The following GNLY variants were observed in gnomAD, a reference collection of about 807,000 sequenced individuals.
GNLY encodes the protein granulysin.
Under a neutral mutation model 18.5 loss-of-function variants are expected in GNLY, and 15 were observed. The ratio of observed to expected loss-of-function variants is 0.81; its 90% confidence interval spans 0.54 to 1.25. GNLY has a LOEUF of 1.25. Ranked by LOEUF, GNLY falls within the 50% of genes most tolerant of loss-of-function variation. The pLI, the probability that GNLY is intolerant of heterozygous loss-of-function variation, is 0.00. For synonymous variants in GNLY, 77 were observed against 74.9 expected (o/e 1.03, Z -0.14); for missense variants, 178 against 186.9 (o/e 0.95, Z 0.28).
rs1305625927 is a variant in GNLY at position 85,697,379 on chromosome 2, CAT to C, written c.256-126_256-125del. The C allele has an allele frequency of 1.2e-5, 10 of 813,980 alleles. No individual in the cohort carries two copies. The East Asian group carries it at 2.0e-4, about 16-fold the overall frequency. The allele number at this position is 813,980 out of a possible 1,614,324, so 50.4% of individuals were successfully genotyped here. A position where few individuals can be genotyped will look rare whatever the true frequency, so the allele number is the denominator to read the frequency against. On this transcript the variant is annotated intron_variant, in intron 3 of 4. Transcript: ENST00000263863. The stretch of plus-strand genomic sequence containing the variant: ...GCCCCGTCTGTACAGTCTCTGGCCC[CAT>C]GGGCACCAGGTGCCAGCTCCTCGCA...
rs765769109 is a variant in GNLY at position 85,697,690 on chromosome 2, G to T, written c.427+13G>T. ...ATACCTTCTACAGGTGAGTGCAGAGGTGACAGCAGGGATACCTCCTGAGGG... is the reference window on the plus strand; with the variant it reads ...ATACCTTCTACAGGTGAGTGCAGAGTTGACAGCAGGGATACCTCCTGAGGG... On this transcript the variant is annotated intron_variant, in intron 4 of 4. Transcript: ENST00000263863. 6.3e-7 allele frequency: 1 copy of T among 1,590,354 alleles called. No homozygotes were observed. The highest frequency in any genetic ancestry group is 8.6e-7 in the Non-Finnish European group (1 of 1,158,450).
In GNLY at chr2:85,697,361, C is replaced by G. The variant is rs1369348505; in HGVS notation, c.256-145C>G. 2.1e-5 allele frequency: 15 copies of G among 709,980 alleles called. No individual in the cohort carries two copies. The East Asian group carries it at 3.4e-4, about 16-fold the overall frequency. The allele number at this position is 709,980 out of a possible 1,614,324, so 44.0% of individuals were successfully genotyped here. A position where few individuals can be genotyped will look rare whatever the true frequency, so the allele number is the denominator to read the frequency against. ...ACTGGGAGTAGGGGCTGAGCCCCGT[C>G]TGTACAGTCTCTGGCCCCATGGGCA... On this transcript the variant is annotated intron_variant, in intron 3 of 4. Transcript: ENST00000263863.
At chr2:85,696,388 C>A in intron 3 of GNLY, 1 of 278,378 alleles carries the variant, frequency 3.6e-6, no homozygotes, top group Non-Finnish European at 6.8e-6. Flanking sequence ...AGCTAGTTCC[C>A]CAAGAGGCCT....
chr2:85,694,505 C>T (rs1285406339), intron 1 of GNLY, 35 bp downstream of exon 1: 2 of 1,598,914 alleles, frequency 1.3e-6, no homozygotes. Flanking sequence ...TCCTGATGGC[C>T]CACCCAGCCT....
intron 1 of GNLY, 22 bp from the exon 2 acceptor site, chr2:85,695,298 G>C: frequency 6.5e-7 from 1 of 1,531,848 alleles, no homozygotes; most frequent in Non-Finnish European, 9.1e-7. Flanking sequence ...CGGAGGGGAA[G>C]CTGAAGTCTG....
In GNLY at chr2:85,697,482, T is replaced by A. The variant is rs750042153; in HGVS notation, c.256-24T>A. ...GGGCAGGACTCACCCTATAACCATG[T>A]CCACTGTGGTGCTGCTGCTGCAGAG... On this transcript the variant is annotated intron_variant, in intron 3 of 4. Transcript: ENST00000263863. 97 of 1,608,252 alleles carry A rather than the reference T, an allele frequency of 6.0e-5. 1 individual carries two copies. The South Asian group carries it at 1.0e-3, about 17-fold the overall frequency.
At chr2:85,697,419 A>G (rs1002511330) in intron 3 of GNLY, 87 bp from the exon 4 acceptor site, 18 of 1,203,248 alleles carry the variant, frequency 1.5e-5, no homozygotes, top group Middle Eastern at 2.8e-4. Flanking sequence ...CAGTACTCCC[A>G]TTGCTAGGGC....
At chr2:85,696,933 A>G (rs1678472737) in intron 3 of GNLY, 1 of 156,546 alleles carries the variant, frequency 6.4e-6, no homozygotes, top group Non-Finnish European at 1.4e-5. Context: ...TACTACCAAG[A>G]ATTATTGTTT....
At position 85,698,757 on chromosome 2, in the gene GNLY, C is replaced by T. The variant is rs762068252; in HGVS notation, c.*183C>T. Reference sequence around the variant, plus strand: ...AAAGTGTCAAGCAAGATTTTAGCCGCAGCTGCTTCTTCTTTGGTGGATTTG... The same window carrying T: ...AAAGTGTCAAGCAAGATTTTAGCCGTAGCTGCTTCTTCTTTGGTGGATTTG... On this transcript the variant is annotated 3_prime_UTR_variant, in exon 5 of 5. Transcript: ENST00000263863. 1.3e-6 allele frequency: 2 copies of T among 1,521,912 alleles called. No individual in the cohort carries two copies. The highest frequency in any genetic ancestry group is 1.8e-6 in the Non-Finnish European group (2 of 1,136,658). The allele number at this position is 1,521,912 out of a possible 1,614,324, so 94.3% of individuals were successfully genotyped here.
At chr2:85,698,138 C>G (rs530290390) in intron 4 of GNLY, among the ~76,000 whole-genome samples, 14 of 152,244 alleles carry the variant, frequency 9.2e-5, no homozygotes, top group Non-Finnish European at 1.5e-4. Context: ...GGGGCCATAT[C>G]CTCCCCCACA....
rs1341285267 is a variant in GNLY at position 85,698,628 on chromosome 2, G to A, written c.*54G>A. ...CACAGGCTCCTGTCCTCAGATCCCG[G>A]GAACCTCAGCAACCTCTGCCGGCTC... On this transcript the variant is annotated 3_prime_UTR_variant, in exon 5 of 5. Coordinates refer to ENST00000263863, the MANE Select transcript of GNLY (RefSeq NM_006433.5). 1 of 1,612,520 alleles carries A rather than the reference G, an allele frequency of 6.2e-7. No homozygotes were observed. Among genetic ancestry groups the A allele is most frequent in the Admixed American group, 1.7e-5 (1 of 60,022 alleles).
chr2:85,695,492 G>T, intron 2 of GNLY, 69 bp downstream of exon 2: 3 of 905,116 alleles, frequency 3.3e-6, no homozygotes, highest in South Asian at 2.7e-5. Context: ...GGCTCCTGGG[G>T]TGAGGTCTGG....
At chr2:85,698,400 C>G (rs762826908) in intron 4 of GNLY, 164 bp from the exon 5 acceptor site, 2 of 1,129,788 alleles carry the variant, frequency 1.8e-6, no homozygotes, top group South Asian at 2.5e-5. Context: ...TATTCAAGGC[C>G]CCACAACCTG....
In GNLY at chr2:85,696,042, G is replaced by T; in HGVS notation, c.241G>T (p.Asp81Tyr). The T allele has an allele frequency of 3.1e-6, 5 of 1,597,430 alleles. No individual in the cohort carries two copies. The highest frequency in any genetic ancestry group is 4.3e-6 in the Non-Finnish European group (5 of 1,165,540). Residue 81 changes from aspartate to tyrosine, a missense_variant, in exon 3 of 5, where the codon GAT becomes TAT. Transcript: ENST00000263863. ...TIVQKLKKMV[D>Y]KPTQRSVSNA... ...AGTCCAAAAACTGAAGAAGATGGTG[G>T]ATAAGCCCACCCAGGTGAGGCCAAG...
intron 1 of GNLY, 28 bp from the exon 2 acceptor site, chr2:85,695,292 G>A (rs758490394): frequency 1.3e-6 from 2 of 1,485,032 alleles, no homozygotes; most frequent in Non-Finnish European, 1.9e-6. Context: ...CGCCTGCGGA[G>A]GGGAAGCTGA....
Position 85,695,362 on chromosome 2 carries a change from C to T in GNLY, c.95C>T (p.Ala32Val). 1 of 1,613,888 alleles carries T rather than the reference C, an allele frequency of 6.2e-7. No homozygotes were observed. Among genetic ancestry groups the T allele is most frequent in the East Asian group, 2.2e-5 (1 of 44,880 alleles). ...SRLSPEYYDL[A>V]RAHLRDEEKS... is the part of the protein sequence containing the mutation. Reference sequence around the variant, plus strand: ...CTGAGCCCTGAGTACTACGACCTGGCAAGAGCCCACCTGCGTGATGAGGAG... The same window carrying T: ...CTGAGCCCTGAGTACTACGACCTGGTAAGAGCCCACCTGCGTGATGAGGAG... The change falls in exon 2 of 5, where the codon GCA (alanine) becomes GTA (valine). Residue 32 changes from alanine to valine, a missense_variant. Coordinates refer to ENST00000263863, the MANE Select transcript of GNLY (RefSeq NM_006433.5).
intron 1 of GNLY, 41 bp from the exon 2 acceptor site, chr2:85,695,279 T>C (rs1407251595): frequency 7.1e-7 from 1 of 1,411,892 alleles, no homozygotes; most frequent in East Asian, 2.3e-5. Context: ...TTCCCTCTCC[T>C]TCCGCCTGCG....
In GNLY at chr2:85,695,334, C is replaced by T. The variant is rs201165294; in HGVS notation, c.67C>T (p.Arg23Cys). ...LLGNPGLVFS[R>C]LSPEYYDLAR... ...GTCTTCCTCAGGTCTGGTCTTCTCT[C>T]GTCTGAGCCCTGAGTACTACGACCT... is the stretch of plus-strand genomic sequence containing the variant. Residue 23 changes from arginine (R) to cysteine (C), a missense_variant, in exon 2 of 5, where the codon CGT (arginine) becomes TGT (cysteine). Physicochemically the swap from Arg to Cys is radical, Grantham distance 180. Transcript: ENST00000263863. The T allele has an allele frequency of 2.4e-5, 38 of 1,610,248 alleles. No homozygotes were observed. Among genetic ancestry groups the T allele is most frequent in the Middle Eastern group, 1.6e-4 (1 of 6,070 alleles).
chr2:85,694,462 G>A lies in GNLY; in HGVS notation c.44G>A (p.Gly15Asp). The part of the protein sequence containing the change: ...ALLLLAAMLL[G>D]NPGLVFSRLS... ...CTGCTCCTTGCAGCCATGCTCCTGGGCAACCCAGGTAAGGCCTTCCCCTCG... is the reference window on the plus strand; with the variant it reads ...CTGCTCCTTGCAGCCATGCTCCTGGACAACCCAGGTAAGGCCTTCCCCTCG... The change falls in exon 1 of 5, where the codon GGC (glycine) becomes GAC (aspartate). Residue 15 changes from glycine to aspartate, a missense_variant. By Grantham distance (94) the Gly-to-Asp change is moderately conservative. Coordinates refer to ENST00000263863, the MANE Select transcript of GNLY (RefSeq NM_006433.5). The A allele has an allele frequency of 1.2e-6, 2 of 1,614,030 alleles. No individual in the cohort carries two copies. Among genetic ancestry groups the A allele is most frequent in the African/African-American group, 2.7e-5 (2 of 75,074 alleles).
Sources: allele counts gnomAD v4.1 joint callset (sites outside exome capture counted in the v4.1 genomes callset), GRCh38; gene constraint gnomAD v4.1.1; transcripts MANE v1.5; gene names NCBI Gene and HGNC (gene_info 2026-07-23, HGNC 2026-07-21).